Variants in FHIT observed in about 807,000 individuals in gnomAD.
FHIT encodes the protein bis(5'-adenosyl)-triphosphatase.
FHIT carries 19 observed loss-of-function variants against 17.9 expected under a neutral mutation model. The ratio of observed to expected loss-of-function variants is 1.06; its 90% CI spans 0.74 to 1.56. FHIT has a LOEUF of 1.56. Among genes scored for constraint, FHIT ranks in the 40% most tolerant of loss-of-function variants. The probability of loss-of-function intolerance (pLI) is 0.00; values close to 1 mark genes in which losing one functional copy is unlikely to be tolerated. For missense variants in FHIT, 248 were observed against 189.2 expected, an observed-to-expected ratio of 1.31 and a Z score of -1.82; for synonymous variants, 81 against 69.7, an observed-to-expected ratio of 1.16 and a Z score of -0.81.
At chr3:61,215,150 C>G (rs368730816) in intron 1 of FHIT, among the ~76,000 whole-genome samples, 2 of 151,954 alleles carry the variant, frequency 1.3e-5, no homozygotes, top group Admixed American at 6.6e-5. Flanking sequence ...GTTGGAAGTT[C>G]TGGCCAGGGC....
At chr3:60,457,542 C>T (rs2032182087) in intron 5 of FHIT, among the ~76,000 whole-genome samples, 1 of 152,084 alleles carries the variant, frequency 6.6e-6, no homozygotes, top group Admixed American at 6.6e-5. Context: ...ATGTCTAAAG[C>T]ACCAAAAGCA....
At chr3:60,086,289 G>A (rs984711759) in intron 5 of FHIT, among the ~76,000 whole-genome samples, 1 of 152,050 alleles carries the variant, frequency 6.6e-6, no homozygotes, top group Non-Finnish European at 1.5e-5. Context: ...ACCTCCCCCA[G>A]GCCCCACCTC....
chr3:60,910,442 C>T (rs1553765581), intron 3 of FHIT, among the ~76,000 whole-genome samples: 3 of 146,616 alleles, frequency 2.0e-5, no homozygotes, highest in African/African-American at 7.6e-5. Flanking sequence ...GACGGAGTCT[C>T]GCTTTGTCGC....
chr3:59,837,051 A>G (rs907679821), intron 8 of FHIT, among the ~76,000 whole-genome samples: 30 of 151,916 alleles, frequency 2.0e-4, no homozygotes, highest in African/African-American at 6.3e-4. Flanking sequence ...TCTGTGAGAA[A>G]AAAAAGAGTT....
chr3:61,103,015 C>T (rs917092820), intron 2 of FHIT, among the ~76,000 whole-genome samples: 9 of 152,130 alleles, frequency 5.9e-5, no homozygotes, highest in Admixed American at 4.6e-4. Context: ...CTCCTGGATT[C>T]ATTGATTTTT....
At chr3:60,109,806 C>T (rs1287392640) in intron 5 of FHIT, among the ~76,000 whole-genome samples, 1 of 152,156 alleles carries the variant, frequency 6.6e-6, no homozygotes, top group African/African-American at 2.4e-5. Flanking sequence ...TTCTTCTTTA[C>T]AGCCCAGTTT....
chr3:60,722,463 A>G (rs1470018415), intron 4 of FHIT, among the ~76,000 whole-genome samples: 2 of 152,188 alleles, frequency 1.3e-5, no homozygotes, highest in Non-Finnish European at 2.9e-5. Flanking sequence ...CTTAAGCTGC[A>G]CTATAAATAT....
At chr3:60,616,259 A>C (rs1553675872) in intron 4 of FHIT, among the ~76,000 whole-genome samples, 1 of 152,194 alleles carries the variant, frequency 6.6e-6, no homozygotes, top group Non-Finnish European at 1.5e-5. Flanking sequence ...TGTTCAGTTT[A>C]ATTTATTATA....
intron 5 of FHIT, among the ~76,000 whole-genome samples, chr3:60,140,315 GA>G (rs1223807036): frequency 6.6e-6 from 1 of 152,034 alleles, no homozygotes; most frequent in Non-Finnish European, 1.5e-5. Flanking sequence ...CTCACATGAA[GA>G]AATTCACATG....
chr3:60,542,733 G>A (rs533413997), intron 4 of FHIT, among the ~76,000 whole-genome samples: 1 of 152,040 alleles, frequency 6.6e-6, no homozygotes, highest in Non-Finnish European at 1.5e-5. Context: ...TCCCTCCATT[G>A]AACAGAAATC....
chr3:60,179,582 G>A (rs534959487), intron 5 of FHIT, among the ~76,000 whole-genome samples: 1 of 152,032 alleles, frequency 6.6e-6, no homozygotes, highest in South Asian at 2.1e-4. Flanking sequence ...TTTAAGAACA[G>A]GGTCTTTCTG....
chr3:60,494,976 G>C (rs60637646), intron 5 of FHIT, among the ~76,000 whole-genome samples: 7,884 of 152,146 alleles, frequency 0.052, 689 homozygotes, highest in African/African-American at 0.18. Flanking sequence ...GACTTCCTTT[G>C]GGTATATATC....
intron 7 of FHIT, among the ~76,000 whole-genome samples, chr3:60,008,883 C>T (rs1700022162): frequency 6.6e-6 from 1 of 152,294 alleles, no homozygotes; most frequent in Admixed American, 6.5e-5. Flanking sequence ...GCCATTGCCA[C>T]TCAATATTTT....
At chr3:59,927,852 G>A (rs549249600) in intron 7 of FHIT, among the ~76,000 whole-genome samples, 7 of 152,114 alleles carry the variant, frequency 4.6e-5, no homozygotes, top group Non-Finnish European at 8.8e-5. Context: ...GAGACAGCAT[G>A]CAATGCCATC....
intron 5 of FHIT, among the ~76,000 whole-genome samples, chr3:60,222,193 C>A (rs1377413954): frequency 6.6e-6 from 1 of 152,014 alleles, no homozygotes; most frequent in Non-Finnish European, 1.5e-5. Flanking sequence ...GGAAATCATT[C>A]TCTCTTATTT....
chr3:61,151,025 C>T (rs1254115384), intron 2 of FHIT, among the ~76,000 whole-genome samples: 1 of 152,250 alleles, frequency 6.6e-6, no homozygotes, highest in Non-Finnish European at 1.5e-5. Flanking sequence ...GAGAAATCTA[C>T]ACTGTGAAAA....
intron 2 of FHIT, among the ~76,000 whole-genome samples, chr3:61,065,132 C>T (rs1415700503): frequency 6.6e-6 from 1 of 152,050 alleles, no homozygotes; most frequent in African/African-American, 2.4e-5. Flanking sequence ...TTCCTATTAG[C>T]CTGAAGAATC....
At chr3:59,911,854 C>G (rs1704894218) in intron 8 of FHIT, among the ~76,000 whole-genome samples, 1 of 152,136 alleles carries the variant, frequency 6.6e-6, no homozygotes, top group Admixed American at 6.5e-5. Context: ...GTGCCAGGTT[C>G]AGCTCAACAG....
At chr3:60,330,801 T>C (rs1318105928) in intron 5 of FHIT, among the ~76,000 whole-genome samples, 1 of 152,214 alleles carries the variant, frequency 6.6e-6, no homozygotes, top group African/African-American at 2.4e-5. Flanking sequence ...AATTACATCT[T>C]GTCACCTAAT....
Sources: gnomAD v4.1 joint callset for allele counts (sites outside exome capture counted in the v4.1 genomes callset) on GRCh38, gnomAD v4.1.1 for gene constraint, MANE v1.5 for transcripts, NCBI Gene and HGNC (gene_info 2026-07-23, HGNC 2026-07-21) for gene names.